Variants in BEND3 observed in about 807,000 individuals in gnomAD.
BEND3 encodes the protein BEN domain-containing protein 3.
A neutral mutation model predicts 60.1 loss-of-function variants in BEND3; 13 were observed. That is an observed-to-expected ratio of 0.22 (90% CI 0.14 to 0.34). BEND3 has a LOEUF of 0.34. Ranked by LOEUF, BEND3 falls within the 10% of genes least tolerant of loss-of-function variation. BEND3 has a pLI of 1.00. For synonymous variants in BEND3, 497 were observed against 491.5 expected (o/e 1.01, Z -0.15); for missense variants, 896 against 1,138.1 (o/e 0.79, Z 3.06).
At chr6:107,075,083 C>CA (rs560505256) in intron 3 of BEND3, among the ~76,000 whole-genome samples, 302 of 136,758 alleles carry the variant, frequency 2.2e-3, no homozygotes, top group Middle Eastern at 0.011. Context: ...CAGAGCGTCT[C>CA]AAAAAAAAAA....
At chr6:107,071,018 C>G in intron 3 of BEND3, 68 bp from the exon 4 acceptor site, 5 of 1,437,334 alleles carry the variant, frequency 3.5e-6, no homozygotes, top group Non-Finnish European at 4.7e-6. Context: ...AAACAAGGGT[C>G]TGTGTAGCAC....
chr6:107,110,729 A>G (rs1775924543), intron 1 of BEND3, among the ~76,000 whole-genome samples: 1 of 151,862 alleles, frequency 6.6e-6, no homozygotes, highest in Non-Finnish European at 1.5e-5. Context: ...TAATTTTTGT[A>G]TTTTTAGTAG....
chr6:107,083,144 T>G (rs1332151696), intron 3 of BEND3, among the ~76,000 whole-genome samples: 1 of 152,150 alleles, frequency 6.6e-6, no homozygotes, highest in Non-Finnish European at 1.5e-5. Flanking sequence ...CTAACTGTCT[T>G]GTAGCTTTCA....
At chr6:107,110,367 G>A (rs979071900) in intron 1 of BEND3, among the ~76,000 whole-genome samples, 2 of 152,226 alleles carry the variant, frequency 1.3e-5, no homozygotes, top group Non-Finnish European at 2.9e-5. Flanking sequence ...AGTTTGACAT[G>A]TGTGGGGAAC....
At chr6:107,103,389 G>C (rs1775740630) in intron 1 of BEND3, among the ~76,000 whole-genome samples, 2 of 152,144 alleles carry the variant, frequency 1.3e-5, no homozygotes, top group Non-Finnish European at 2.9e-5. Context: ...CCTGACTATA[G>C]GCTACGTAGG....
At position 107,068,277 on chromosome 6, in the gene BEND3, T is replaced by A. The variant is rs1471788524; in HGVS notation, c.*427A>T. The A allele has an allele frequency of 6.4e-6, 1 of 156,790 alleles. No individual in the cohort carries two copies. The highest frequency in any genetic ancestry group is 6.4e-5 in the Admixed American group (1 of 15,578). 9.7% of individuals were successfully genotyped at this position (156,790 alleles called of 1,614,324 possible). ...GTAAAATGGCCCCCAAAGAGCCCAA[T>A]GATTTTTTTTAAGGGTTTCTTTTTA... On this transcript the variant is annotated 3_prime_UTR_variant, in exon 4 of 4. Coordinates refer to ENST00000369042, the MANE Select transcript of BEND3 (RefSeq NM_001367314.1). The surrounding 1 kb of genome is among the most constrained non-coding windows in gnomAD (Gnocchi z 5.8).
chr6:107,109,588 A>G (rs1775897653), intron 1 of BEND3, among the ~76,000 whole-genome samples: 1 of 151,454 alleles, frequency 6.6e-6, no homozygotes, highest in African/African-American at 2.4e-5. Context: ...AAAATACAAA[A>G]AAATTGCCGG....
intron 3 of BEND3, among the ~76,000 whole-genome samples, chr6:107,077,017 T>C (rs1277907794): frequency 1.3e-5 from 2 of 152,002 alleles, no homozygotes; most frequent in Non-Finnish European, 2.9e-5. Flanking sequence ...TCAGCTAATT[T>C]TTTTTGTATT....
At chr6:107,105,610 T>A (rs1407840763) in intron 1 of BEND3, among the ~76,000 whole-genome samples, 1 of 152,104 alleles carries the variant, frequency 6.6e-6, no homozygotes, top group Admixed American at 6.6e-5. Flanking sequence ...GACAGCAGCG[T>A]GAGCCTAATC....
chr6:107,081,410 T>TG lies in BEND3; in HGVS notation c.241-10461dup, dbSNP rs1175998544. Among the ~76,000 whole-genome samples, 15 of 150,984 alleles carry TG rather than the reference T, an allele frequency of 9.9e-5. No individual in the cohort carries two copies. The East Asian group carries it at 2.8e-3, about 28-fold the overall frequency. Reference sequence around the variant, plus strand: ...TAATTTTTGGTATTTTTAGTAGAGATGGGGTTTCACCACGTTGGCTAGGGT... The same window carrying TG: ...TAATTTTTGGTATTTTTAGTAGAGATGGGGGTTTCACCACGTTGGCTAGGGT... On this transcript the variant is annotated intron_variant, in intron 3 of 3. Coordinates refer to ENST00000369042, the MANE Select transcript of BEND3 (RefSeq NM_001367314.1).
In BEND3 at chr6:107,102,621, A is replaced by C. The variant is rs923353188; in HGVS notation, c.-11-3325T>G. Among the ~76,000 whole-genome samples the C allele has an allele frequency of 3.3e-5, 5 of 152,220 alleles. No individual in the cohort carries two copies. In the South Asian group the frequency reaches 1.0e-3, roughly 31 times the overall value. On this transcript the variant is annotated intron_variant, in intron 1 of 3. Coordinates refer to ENST00000369042, the MANE Select transcript of BEND3 (RefSeq NM_001367314.1). Reference sequence around the variant, plus strand: ...GTGACAGATGCTAGGTTAGCCCAGAAGTAGCCCAGAACACAGCATGGTGGG... The same window carrying C: ...GTGACAGATGCTAGGTTAGCCCAGACGTAGCCCAGAACACAGCATGGTGGG...
intron 3 of BEND3, among the ~76,000 whole-genome samples, chr6:107,074,294 A>C (rs1554232492): frequency 1.3e-5 from 2 of 152,122 alleles, no homozygotes. Context: ...GCGTGCTTGT[A>C]ATCCCAGCTA....
At chr6:107,097,104 C>T (rs1775600838) in intron 3 of BEND3, among the ~76,000 whole-genome samples, 2 of 152,128 alleles carry the variant, frequency 1.3e-5, no homozygotes, top group African/African-American at 2.4e-5. Flanking sequence ...CAGTGGCTCA[C>T]ACCTGTAATC....
At chr6:107,098,806 A>T (rs1201073250) in intron 2 of BEND3, 53 bp from the exon 3 acceptor site, 1 of 1,509,802 alleles carries the variant, frequency 6.6e-7, no homozygotes, top group East Asian at 2.3e-5. Context: ...CTGCTCAGAG[A>T]TCAGCAGGGT....
In BEND3 at chr6:107,066,733, TG is replaced by T. The variant is rs1554230895; in HGVS notation, c.*1970del. 6.6e-6 allele frequency: 1 copy of T among 152,058 alleles called. No individual in the cohort carries two copies. Among genetic ancestry groups the T allele is most frequent in the East Asian group, 1.9e-4 (1 of 5,174 alleles). The allele number at this position is 152,058 out of a possible 1,614,324, so 9.4% of individuals were successfully genotyped here. On this transcript the variant is annotated 3_prime_UTR_variant, in exon 4 of 4. Coordinates refer to ENST00000369042, the MANE Select transcript of BEND3 (RefSeq NM_001367314.1). ...ACCAGCGGTGGGAAGGGGGAGGTGG[TG>T]GGAGAGGGCCACAGCTGTCTTTGGG... is the stretch of plus-strand genomic sequence containing the variant.
At chr6:107,105,935 A>T (rs1775804132) in intron 1 of BEND3, 1 of 152,330 alleles carries the variant, frequency 6.6e-6, no homozygotes, top group Admixed American at 6.5e-5. Context: ...CCAGAACAGG[A>T]ATGTGATTGG....
chr6:107,073,239 A>G lies in BEND3; in HGVS notation c.241-2289T>C, dbSNP rs377563281. Reference sequence around the variant, plus strand: ...TATATATATATATATATATATATATATATATATATATATATATATATATAT... The same window carrying G: ...TATATATATATATATATATATATATGTATATATATATATATATATATATAT... On this transcript the variant is annotated intron_variant, in intron 3 of 3. Transcript: ENST00000369042. 5.4e-4 allele frequency among the ~76,000 whole-genome samples: 10 copies of G among 18,484 alleles called. 1 individual carries two copies. The highest frequency in any genetic ancestry group is 9.5e-4 in the Non-Finnish European group (6 of 6,298). 12.1% of individuals were successfully genotyped at this position (18,484 alleles called of 152,430 possible). A position where few individuals can be genotyped will look rare whatever the true frequency, so the allele number is the denominator to read the frequency against.
intron 3 of BEND3, among the ~76,000 whole-genome samples, chr6:107,086,266 G>C (rs1164269812): frequency 6.6e-6 from 1 of 152,086 alleles, no homozygotes; most frequent in East Asian, 1.9e-4. Context: ...TCCCACTTAA[G>C]GGAGGAATGG....
chr6:107,092,410 C>T (rs1005855984), intron 3 of BEND3, among the ~76,000 whole-genome samples: 11 of 152,242 alleles, frequency 7.2e-5, no homozygotes, highest in African/African-American at 2.6e-4. Context: ...AGAAAAAGCA[C>T]TTCACAAAAT....
Sources: gnomAD v4.1 joint callset for allele counts (sites outside exome capture counted in the v4.1 genomes callset) on GRCh38, gnomAD v4.1.1 for gene constraint, Gnocchi (gnomAD v3.1) non-coding constraint, MANE v1.5 for transcripts, NCBI Gene and HGNC (gene_info 2026-07-23, HGNC 2026-07-21) for gene names.